The following NLRP5 variants were observed in gnomAD, a reference collection of about 807,000 sequenced individuals.
NLRP5 encodes the protein NACHT, LRR and PYD domains-containing protein 5.
NLRP5 carries 93 observed loss-of-function variants against 113.1 expected under a neutral mutation model. The ratio of observed to expected loss-of-function variants is 0.82; its 90% CI spans 0.70 to 0.98. NLRP5 has a LOEUF of 0.98. NLRP5 is among the 50% of genes least tolerant of loss of function. The pLI is 0.00. For synonymous variants in NLRP5, 751 were observed against 600.7 expected, an observed-to-expected ratio of 1.25 and a Z score of -3.66; for missense variants, 1,808 against 1,514.3, an observed-to-expected ratio of 1.19 and a Z score of -3.22.
chr19:56,031,940 G>T (rs1165245686), intron 7 of NLRP5, among the ~76,000 whole-genome samples: 3 of 152,194 alleles, frequency 2.0e-5, no homozygotes, highest in Non-Finnish European at 4.4e-5. Context: ...AGGTAGGATT[G>T]TTAGGTCCTA....
At chr19:56,016,058 G>A (rs2123287814) in intron 4 of NLRP5, among the ~76,000 whole-genome samples, 1 of 152,272 alleles carries the variant, frequency 6.6e-6, no homozygotes, top group Non-Finnish European at 1.5e-5. Flanking sequence ...GGGGCGTGAG[G>A]TTTCAATACA....
At position 56,003,993 on chromosome 19, in the gene NLRP5, C is replaced by G; in HGVS notation, c.340C>G (p.His114Asp). Residue 114 changes from histidine (H) to aspartate (D), a missense_variant, in exon 2 of 15, where the codon CAT becomes GAT. Transcript: ENST00000390649. ...CGTGGAATGTCTGGCACTCCTCTTG[C>G]ATGAGTATTATGGAGCATCGCTGGC... 6.2e-7 allele frequency: 1 copy of G among 1,613,992 alleles called. No individual in the cohort carries two copies. The highest frequency in any genetic ancestry group is 1.1e-5 in the South Asian group (1 of 91,080).
At position 56,038,006 on chromosome 19, in the gene NLRP5, A is replaced by G. The variant is rs374129455; in HGVS notation, c.2616-19A>G. The G allele has an allele frequency of 1.9e-6, 3 of 1,613,492 alleles. No homozygotes were observed. The highest frequency in any genetic ancestry group is 2.5e-6 in the Non-Finnish European group (3 of 1,179,642). Reference sequence around the variant, plus strand: ...TTTGGACAAGAGCTGGGATTGCTTCATGCTGCCTGTCTCTGCAGGCTGGAT... The same window carrying G: ...TTTGGACAAGAGCTGGGATTGCTTCGTGCTGCCTGTCTCTGCAGGCTGGAT... On this transcript the variant is annotated intron_variant, in intron 9 of 14. Transcript: ENST00000390649.
At chr19:56,043,876 C>T (rs1295639889) in intron 11 of NLRP5, among the ~76,000 whole-genome samples, 1 of 151,476 alleles carries the variant, frequency 6.6e-6, no homozygotes, top group African/African-American at 2.4e-5. Context: ...CACGCCTGGC[C>T]TCTGCTGACT....
At position 56,028,029 on chromosome 19, in the gene NLRP5, A is replaced by G; in HGVS notation, c.1796A>G (p.Glu599Gly). 1 of 1,613,970 alleles carries G rather than the reference A, an allele frequency of 6.2e-7. No homozygotes were observed. The highest frequency in any genetic ancestry group is 8.5e-7 in the Non-Finnish European group (1 of 1,179,878). The stretch of plus-strand genomic sequence containing the variant: ...TGTGCCGCCTTGTACTACGTGTTAG[A>G]GGGCCTGGAAATCGAGCCAGCTCTC... The change falls in exon 7 of 15, where the codon GAG (glutamate) becomes GGG (glycine). Residue 599 changes from glutamate to glycine, a missense_variant. Physicochemically the swap from Glu to Gly is moderately conservative, Grantham distance 98 (BLOSUM62 -2). Coordinates refer to ENST00000390649, the MANE Select transcript of NLRP5 (RefSeq NM_153447.4).
chr19:55,999,135 TTC>T (rs1981504384), upstream of NLRP5, among the ~76,000 whole-genome samples: 1 of 152,048 alleles, frequency 6.6e-6, no homozygotes, highest in South Asian at 2.1e-4. Flanking sequence ...ACCACCATTC[TTC>T]TCTCTGCTGC....
Position 56,058,331 on chromosome 19 carries a change from C to G in NLRP5, c.3391C>G (p.Gln1131Glu). 1 of 1,613,832 alleles carries G rather than the reference C, an allele frequency of 6.2e-7. No individual in the cohort carries two copies. The highest frequency in any genetic ancestry group is 2.2e-5 in the East Asian group (1 of 44,892). Residue 1131 changes from glutamine (Q) to glutamate (E), a missense_variant, in exon 14 of 15, where the codon CAG (glutamine) becomes GAG (glutamate). Coordinates refer to ENST00000390649, the MANE Select transcript of NLRP5 (RefSeq NM_153447.4). ...GCATCTGACCAGTCTAAACCTGGTG[C>G]AGAATAACTTCAGTCCCAAAGGAAT... is the stretch of plus-strand genomic sequence containing the variant.
At chr19:56,008,713 G>C in intron 2 of NLRP5, 75 bp from the exon 3 acceptor site, 2 of 1,315,556 alleles carry the variant, frequency 1.5e-6, no homozygotes, top group Non-Finnish European at 1.1e-6. Context: ...TTTGGACACG[G>C]GACATTCTTA....
intron 1 of NLRP5, among the ~76,000 whole-genome samples, chr19:56,002,056 C>T (rs1981675354): frequency 1.3e-5 from 2 of 152,140 alleles, no homozygotes; most frequent in Non-Finnish European, 2.9e-5. Flanking sequence ...CATCATAGAC[C>T]AGGCTTCTAG....
intron 14 of NLRP5, 23 bp from the exon 15 acceptor site, chr19:56,061,373 G>C: frequency 2.5e-6 from 4 of 1,610,874 alleles, no homozygotes; most frequent in Non-Finnish European, 3.4e-6. Flanking sequence ...TCTCAGTAAC[G>C]AGTCCTCTCT....
intron 11 of NLRP5, among the ~76,000 whole-genome samples, chr19:56,043,542 C>CCTTTTTTTTTTT (rs1983599289): frequency 1.1e-5 from 1 of 92,920 alleles, no homozygotes; most frequent in East Asian, 4.8e-4. Flanking sequence ...CTCTGCTATT[C>CCTTTTTTTTTTT]TTTTTTTTTT....
chr19:56,035,315 G>GGT (rs1279710098), intron 9 of NLRP5, among the ~76,000 whole-genome samples: 4 of 152,218 alleles, frequency 2.6e-5, no homozygotes, highest in Non-Finnish European at 5.9e-5. Flanking sequence ...TGTACCATGT[G>GGT]GTGTTTGCCT....
At chr19:56,050,325 GC>G in intron 11 of NLRP5, 92 bp from the exon 12 acceptor site, 1 of 1,171,156 alleles carries the variant, frequency 8.5e-7, no homozygotes, top group East Asian at 2.4e-5. Context: ...CTACACAGAA[GC>G]AGACTGCAGC....
In NLRP5 at chr19:56,020,696, A is replaced by G. The variant is rs181699713; in HGVS notation, c.679+265A>G. 9.0e-4 allele frequency among the ~76,000 whole-genome samples: 134 copies of G among 148,486 alleles called. 1 individual carries two copies. The highest frequency in any genetic ancestry group is 1.9e-3 in the African/African-American group (76 of 40,608). ...TTCTAGGGGACTCGAATCAATCACA[A>G]CTTTGTTTGATGGATGTTAAACATA... is the stretch of plus-strand genomic sequence containing the variant. On this transcript the variant is annotated intron_variant, in intron 6 of 14. Transcript: ENST00000390649.
chr19:55,994,174 T>A, the NLRP5 span, among the ~76,000 whole-genome samples: 1 of 152,158 alleles, frequency 6.6e-6, no homozygotes, highest in East Asian at 1.9e-4. Context: ...TAGAGGGAAA[T>A]GCAAATCAAA....
At chr19:56,056,493 G>T (rs546933617) in intron 13 of NLRP5, among the ~76,000 whole-genome samples, 2 of 152,068 alleles carry the variant, frequency 1.3e-5, no homozygotes, top group Admixed American at 6.5e-5. Flanking sequence ...GGAGGCGGAG[G>T]TTGCAGTGAA....
chr19:56,040,722 T>C (rs1472823324), intron 10 of NLRP5, among the ~76,000 whole-genome samples, 200 bp from the exon 11 acceptor site: 3 of 152,186 alleles, frequency 2.0e-5, no homozygotes, highest in Non-Finnish European at 4.4e-5. Flanking sequence ...TCACCCACAA[T>C]ACTTAGAGTA....
chr19:56,004,193 C>T (rs1164909813), intron 2 of NLRP5, 98 bp downstream of exon 2: 3 of 1,294,318 alleles, frequency 2.3e-6, no homozygotes, highest in Non-Finnish European at 3.2e-6. Context: ...CCGGCTCCAC[C>T]TCTGCAGTGT....
chr19:56,005,107 A>AAAAAAAAAAAAAAAAATATATAT (rs1173746273), intron 2 of NLRP5, among the ~76,000 whole-genome samples: 1 of 95,344 alleles, frequency 1.0e-5, no homozygotes, highest in African/African-American at 3.9e-5. Flanking sequence ...AAAAAAAAAA[A>AAAAAAAAAAAAAAAAATATATAT]ATATATATAT....
Sources: allele counts gnomAD v4.1 joint callset (sites outside exome capture counted in the v4.1 genomes callset), GRCh38; gene constraint gnomAD v4.1.1; transcripts MANE v1.5; gene names NCBI Gene and HGNC (gene_info 2026-07-23, HGNC 2026-07-21).